LDHC: variants seen among roughly 807,000 people sequenced by gnomAD.
LDHC encodes the protein L-lactate dehydrogenase C chain.
Under a neutral mutation model 30.2 loss-of-function variants are expected in LDHC, and 20 were observed. The ratio of observed to expected loss-of-function variants is 0.66; its 90% CI spans 0.47 to 0.96. LDHC has a LOEUF of 0.96. Among genes scored for constraint, LDHC ranks in the 40% least tolerant of loss-of-function variants. LDHC has a pLI of 0.00. For synonymous variants in LDHC, 139 were observed against 132.7 expected (o/e 1.05, Z -0.32); for missense variants, 362 against 394.9 (o/e 0.92, Z 0.71).
chr11:18,423,716 G>A (rs1194726482), intron 3 of LDHC, among the ~76,000 whole-genome samples: 1 of 152,116 alleles, frequency 6.6e-6, no homozygotes, highest in Non-Finnish European at 1.5e-5. Context: ...ACAAAGTTAA[G>A]AGTGTTCACA....
chr11:18,451,241 C>T lies in LDHC; in HGVS notation c.*114C>T. 1.6e-6 allele frequency: 1 copy of T among 641,226 alleles called. No homozygotes were observed. The highest frequency in any genetic ancestry group is 2.5e-6 in the Non-Finnish European group (1 of 404,438). The allele number at this position is 641,226 out of a possible 1,614,324, so 39.7% of individuals were successfully genotyped here. Reference sequence around the variant, plus strand: ...TAAAAAATAAAAACAAATTGGAGACCTGTGACATAACTCTAGTCTCTCAAG... The same window carrying T: ...TAAAAAATAAAAACAAATTGGAGACTTGTGACATAACTCTAGTCTCTCAAG... On this transcript the variant is annotated 3_prime_UTR_variant, in exon 8 of 8. Transcript: ENST00000541669.
rs1848656781 is a variant in LDHC, at chr11:18,451,595, G to A, written c.*468G>A. The A allele has an allele frequency of 6.6e-6, 1 of 152,142 alleles. No homozygotes were observed. The highest frequency in any genetic ancestry group is 6.6e-5 in the Admixed American group (1 of 15,262). 9.4% of individuals were successfully genotyped at this position (152,142 alleles called of 1,614,324 possible). ...CGGGCACTGCAGCCTGGGTGAAAGA[G>A]TGAGGCTCTGTCTCAAAAAAAATCA... On this transcript the variant is annotated 3_prime_UTR_variant, in exon 8 of 8. Coordinates refer to ENST00000541669, the MANE Select transcript of LDHC (RefSeq NM_017448.5).
intron 3 of LDHC, among the ~76,000 whole-genome samples, chr11:18,424,158 C>A (rs111435608): frequency 6.6e-6 from 1 of 151,614 alleles, no homozygotes; most frequent in Non-Finnish European, 1.5e-5. Flanking sequence ...CTGAGGTGGG[C>A]GGATCACGAG....
intron 6 of LDHC, among the ~76,000 whole-genome samples, chr11:18,443,253 G>C (rs1848496553): frequency 6.6e-6 from 1 of 152,002 alleles, no homozygotes; most frequent in Admixed American, 6.6e-5. Context: ...CAGGAGACCA[G>C]TCTCCAATAA....
At chr11:18,450,548 T>A (rs1414526154) in intron 7 of LDHC, 4 of 161,976 alleles carry the variant, frequency 2.5e-5, no homozygotes, top group Non-Finnish European at 5.3e-5. Context: ...GCTGTAAAGG[T>A]ATGAAGCAGA....
intron 6 of LDHC, among the ~76,000 whole-genome samples, chr11:18,445,478 T>C (rs1194766502): frequency 6.6e-6 from 1 of 152,194 alleles, no homozygotes; most frequent in Non-Finnish European, 1.5e-5. Context: ...ATTACAGATG[T>C]GAGCCATTGC....
rs35861956 is a variant in LDHC, at chr11:18,428,166, CTTT to C, written c.245-1550_245-1548del. Among the ~76,000 whole-genome samples the C allele has an allele frequency of 2.5e-3, 240 of 94,798 alleles. 1 individual carries two copies. Among genetic ancestry groups the C allele is most frequent in the African/African-American group, 0.01 (235 of 22,802 alleles). 62.2% of individuals were successfully genotyped at this position (94,798 alleles called of 152,430 possible). A position where few individuals can be genotyped will look rare whatever the true frequency, so the allele number is the denominator to read the frequency against. On this transcript the variant is annotated intron_variant, in intron 3 of 7. Coordinates refer to ENST00000541669, the MANE Select transcript of LDHC (RefSeq NM_017448.5). ...CATTTTCTTTTCTTTCTTTCTCTCT[CTTT>C]TTTTTTTTTTTTTTTTTTTTGAGAC...
intron 3 of LDHC, among the ~76,000 whole-genome samples, chr11:18,425,319 T>C (rs1848143226): frequency 6.6e-6 from 1 of 151,872 alleles, no homozygotes; most frequent in South Asian, 2.1e-4. Context: ...AGAGGACAAA[T>C]GTGAACTAGA....
chr11:18,449,157 C>T (rs989512142), intron 7 of LDHC, among the ~76,000 whole-genome samples: 3 of 152,092 alleles, frequency 2.0e-5, no homozygotes, highest in African/African-American at 7.2e-5. Context: ...CCTCTGATTA[C>T]ACCCATGGAA....
chr11:18,413,059 CCTTT>C (rs1166271260), intron 2 of LDHC, among the ~76,000 whole-genome samples: 1 of 127,730 alleles, frequency 7.8e-6, no homozygotes, highest in East Asian at 2.6e-4. Flanking sequence ...TCTTTCTTTT[CCTTT>C]CTTTTTTTTT....
chr11:18,439,836 A>AAAAAAC (rs760393088), intron 6 of LDHC, among the ~76,000 whole-genome samples: 6 of 137,410 alleles, frequency 4.4e-5, no homozygotes, highest in African/African-American at 1.7e-4. Flanking sequence ...AAAAAAAAAA[A>AAAAAAC]CAAAAATTAG....
At chr11:18,446,602 G>T (rs193280504) in intron 7 of LDHC, among the ~76,000 whole-genome samples, 28 of 152,326 alleles carry the variant, frequency 1.8e-4, no homozygotes, top group Admixed American at 1.5e-3. Context: ...ACTCAAACTA[G>T]CTTATGCAAA....
At chr11:18,425,195 GA>G (rs1848140782) in intron 3 of LDHC, among the ~76,000 whole-genome samples, 1 of 149,690 alleles carries the variant, frequency 6.7e-6, no homozygotes, top group Non-Finnish European at 1.5e-5. Context: ...TTTTTGTTTT[GA>G]AAAAGGGTCT....
intron 3 of LDHC, among the ~76,000 whole-genome samples, chr11:18,415,736 A>T (rs1484836480): frequency 6.6e-6 from 1 of 151,810 alleles, no homozygotes; most frequent in Non-Finnish European, 1.5e-5. Flanking sequence ...TCTGTTGCCC[A>T]GGCTGGAGTG....
intron 6 of LDHC, among the ~76,000 whole-genome samples, chr11:18,442,276 A>C (rs1298897304): frequency 6.6e-6 from 1 of 152,182 alleles, no homozygotes; most frequent in African/African-American, 2.4e-5. Flanking sequence ...TTTTATATCT[A>C]GAAAACTATG....
chr11:18,436,293 G>A (rs891133186), intron 5 of LDHC, among the ~76,000 whole-genome samples: 1 of 151,880 alleles, frequency 6.6e-6, no homozygotes, highest in Non-Finnish European at 1.5e-5. Flanking sequence ...AACATGTTTA[G>A]TATTCTATTT....
chr11:18,429,612 G>A (rs1337543116), intron 3 of LDHC, 125 bp from the exon 4 acceptor site: 2 of 470,292 alleles, frequency 4.3e-6, no homozygotes, highest in South Asian at 1.3e-4. Context: ...TCTCCAAAAT[G>A]CCAGACATAA....
At position 18,432,863 on chromosome 11, in the gene LDHC, A is replaced by G. The variant is rs57311859; in HGVS notation, c.419-1877A>G. Among the ~76,000 whole-genome samples, 12 of 152,196 alleles carry G rather than the reference A, an allele frequency of 7.9e-5. No homozygotes were observed. In the East Asian group the frequency reaches 1.4e-3, roughly 17 times the overall value. On this transcript the variant is annotated intron_variant, in intron 4 of 7. Transcript: ENST00000541669. Reference sequence around the variant, plus strand: ...GAGTCCTTGTATGTTAGGTGAGTCTACTGAAGACAGCAGATAGTTGGTTGA... The same window carrying G: ...GAGTCCTTGTATGTTAGGTGAGTCTGCTGAAGACAGCAGATAGTTGGTTGA...
chr11:18,441,089 C>A (rs1308057349), intron 6 of LDHC, among the ~76,000 whole-genome samples: 2 of 151,722 alleles, frequency 1.3e-5, no homozygotes, highest in Admixed American at 1.3e-4. Flanking sequence ...TAGTCCACTG[C>A]ATTCCAACCT....
Sources: allele counts gnomAD v4.1 joint callset (sites outside exome capture counted in the v4.1 genomes callset), GRCh38; gene constraint gnomAD v4.1.1; transcripts MANE v1.5; gene names NCBI Gene and HGNC (gene_info 2026-07-23, HGNC 2026-07-21).